Variants in DTNB observed in about 807,000 individuals in gnomAD.
DTNB encodes dystrobrevin beta.
In DTNB, 63 loss-of-function variants were observed where a neutral mutation model predicts 90.7. The observed-to-expected ratio is 0.69, with a 90% CI of 0.57 to 0.86. The LOEUF (loss-of-function observed/expected upper bound fraction) is 0.86. Ranked by LOEUF, DTNB falls within the 40% of genes least tolerant of loss-of-function variation. DTNB has a pLI of 0.00. For missense variants in DTNB, 744 were observed against 807.1 expected, an observed-to-expected ratio of 0.92 and a Z score of 0.95; for synonymous variants, 277 against 286.7, an observed-to-expected ratio of 0.97 and a Z score of 0.34.
chr2:25,571,915 T>C (rs2059931712), intron 8 of DTNB, among the ~76,000 whole-genome samples: 1 of 152,182 alleles, frequency 6.6e-6, no homozygotes, highest in East Asian at 1.9e-4. Flanking sequence ...GATGGGCCTA[T>C]ATGACTAGTT....
At chr2:25,560,353 TGA>T (rs1334140730) in intron 8 of DTNB, among the ~76,000 whole-genome samples, 1 of 152,102 alleles carries the variant, frequency 6.6e-6, no homozygotes, top group African/African-American at 2.4e-5. Context: ...GTGTTTTGCA[TGA>T]GATTAACATT....
intron 16 of DTNB, 178 bp from the exon 17 acceptor site, chr2:25,388,539 G>GA: frequency 1.2e-6 from 1 of 825,924 alleles, no homozygotes; most frequent in Non-Finnish European, 1.8e-6. Context: ...GGAAGAAAAG[G>GA]AAAAAAGGAA....
At chr2:25,433,362 C>G (rs1256049949) in intron 13 of DTNB, among the ~76,000 whole-genome samples, 2 of 152,116 alleles carry the variant, frequency 1.3e-5, no homozygotes, top group Admixed American at 6.5e-5. Context: ...TCCCTTAATC[C>G]TTCCCTGCCC....
intron 8 of DTNB, among the ~76,000 whole-genome samples, chr2:25,571,905 G>C (rs2059930056): frequency 6.6e-6 from 1 of 152,054 alleles, no homozygotes; most frequent in Admixed American, 6.6e-5. Flanking sequence ...CTTGTGGCCA[G>C]ATGGGCCTAT....
chr2:25,644,154 C>T (rs2078946456), intron 2 of DTNB, among the ~76,000 whole-genome samples: 1 of 152,224 alleles, frequency 6.6e-6, no homozygotes, highest in African/African-American at 2.4e-5. Context: ...GCCCTTGTGG[C>T]TACTCTGTCT....
At chr2:25,565,598 T>C (rs2058906850) in intron 8 of DTNB, among the ~76,000 whole-genome samples, 1 of 138,730 alleles carries the variant, frequency 7.2e-6, no homozygotes, top group Non-Finnish European at 1.5e-5. Context: ...TCTCTTCTAT[T>C]CCCAGTTTAT....
At chr2:25,538,537 T>C (rs1044746504) in intron 8 of DTNB, among the ~76,000 whole-genome samples, 2 of 152,180 alleles carry the variant, frequency 1.3e-5, no homozygotes, top group Non-Finnish European at 2.9e-5. Context: ...CTGCATCCTC[T>C]GCCTCCTGGG....
At chr2:25,441,218 T>G (rs990276116) in intron 12 of DTNB, among the ~76,000 whole-genome samples, 3 of 152,164 alleles carry the variant, frequency 2.0e-5, no homozygotes, top group Non-Finnish European at 4.4e-5. Flanking sequence ...TTGAACCAGG[T>G]TCACTCCAAA....
intron 16 of DTNB, among the ~76,000 whole-genome samples, chr2:25,412,443 G>C (rs551423549): frequency 6.6e-6 from 1 of 152,284 alleles, no homozygotes; most frequent in South Asian, 2.1e-4. Context: ...AGAGTGCCAG[G>C]TATATTATCC....
intron 16 of DTNB, among the ~76,000 whole-genome samples, chr2:25,405,007 G>C (rs2044724291): frequency 6.6e-6 from 1 of 152,136 alleles, no homozygotes; most frequent in Non-Finnish European, 1.5e-5. Context: ...GCAGTGGCAA[G>C]ATCATGGCTC....
At chr2:25,566,737 C>T (rs571194429) in intron 8 of DTNB, among the ~76,000 whole-genome samples, 1 of 152,276 alleles carries the variant, frequency 6.6e-6, no homozygotes, top group East Asian at 1.9e-4. Flanking sequence ...AAATAACCAC[C>T]TGAAAGGGTT....
At position 25,531,616 on chromosome 2, in the gene DTNB, T is replaced by C. The variant is rs769301619; in HGVS notation, c.877-19A>G. On this transcript the variant is annotated intron_variant, in intron 8 of 20. Coordinates refer to ENST00000406818, the MANE Select transcript of DTNB (RefSeq NM_021907.5). Reference sequence around the variant, plus strand: ...GAGATTTCTGTGTCAAAGCAGAAAATAGTAAGGAATTAACCCTTCAAAAGA... The same window carrying C: ...GAGATTTCTGTGTCAAAGCAGAAAACAGTAAGGAATTAACCCTTCAAAAGA... 1.7e-5 allele frequency: 28 copies of C among 1,611,910 alleles called. No homozygotes were observed. The highest frequency in any genetic ancestry group is 1.6e-4 in the Middle Eastern group (1 of 6,078).
At chr2:25,604,378 T>C (rs2066600421) in intron 5 of DTNB, among the ~76,000 whole-genome samples, 1 of 145,514 alleles carries the variant, frequency 6.9e-6, no homozygotes, top group Admixed American at 7.0e-5. Context: ...TTCTTTTCTT[T>C]TTTTTCTCTC....
In DTNB at chr2:25,655,124, G is replaced by A. The variant is rs1214710675; in HGVS notation, c.-1-2463C>T. On this transcript the variant is annotated intron_variant, in intron 1 of 20. Coordinates refer to ENST00000406818, the MANE Select transcript of DTNB (RefSeq NM_021907.5). ...CAGCATCTGCATTTCTTTGCCTGAA[G>A]ACAGACTGTGCTAAAAATTAGACCC... Among the ~76,000 whole-genome samples the A allele has an allele frequency of 4.6e-5, 7 of 152,208 alleles. No homozygotes were observed. The East Asian group carries it at 9.6e-4, about 21-fold the overall frequency.
intron 8 of DTNB, among the ~76,000 whole-genome samples, chr2:25,542,542 A>G (rs560202298): frequency 3.0e-4 from 46 of 152,290 alleles, no homozygotes; most frequent in African/African-American, 1.1e-3. Flanking sequence ...CAAAAATGAA[A>G]CTGGGCATGC....
At chr2:25,555,210 G>A (rs2057081628) in intron 8 of DTNB, among the ~76,000 whole-genome samples, 3 of 146,666 alleles carry the variant, frequency 2.0e-5, no homozygotes, top group South Asian at 2.1e-4. Flanking sequence ...AGAATGACAT[G>A]AACCCAGGAG....
In DTNB at chr2:25,415,349, C is replaced by T. The variant is rs192082862; in HGVS notation, c.1575+4166G>A. On this transcript the variant is annotated intron_variant, in intron 16 of 20. Transcript: ENST00000406818. The stretch of plus-strand genomic sequence containing the variant: ...GCAACATCCACCTCCCAGGTTCAAG[C>T]GATTCTCCTGCCTCAGCCTCCCGAG... Among the ~76,000 whole-genome samples the T allele has an allele frequency of 2.6e-3, 396 of 150,378 alleles. 3 individuals carry two copies. Among genetic ancestry groups the T allele is most frequent in the African/African-American group, 8.9e-3 (365 of 40,874 alleles).
At chr2:25,595,660 C>T (rs1224815389) in intron 6 of DTNB, among the ~76,000 whole-genome samples, 9 of 152,098 alleles carry the variant, frequency 5.9e-5, no homozygotes, top group Admixed American at 5.9e-4. Context: ...GTAGTGTACC[C>T]TTGAGGGATT....
chr2:25,383,911 G>GCCT (rs2038677814), intron 18 of DTNB, 22 bp from the exon 19 acceptor site: 15 of 1,613,858 alleles, frequency 9.3e-6, no homozygotes, highest in Non-Finnish European at 1.3e-5. Context: ...AGTCCAAGGA[G>GCCT]GCCAGTGACC....
Sources: allele counts gnomAD v4.1 joint callset (sites outside exome capture counted in the v4.1 genomes callset), GRCh38; gene constraint gnomAD v4.1.1; transcripts MANE v1.5; gene names NCBI Gene and HGNC (gene_info 2026-07-23, HGNC 2026-07-21).